KCNQ3: variants seen among roughly 807,000 people sequenced by gnomAD.
KCNQ3 encodes potassium voltage-gated channel subfamily Q member 3.
KCNQ3 carries 30 observed loss-of-function variants against 92.5 expected under a neutral mutation model. That is an observed-to-expected ratio of 0.32 (90% CI 0.24 to 0.44). The LOEUF (loss-of-function observed/expected upper bound fraction) is 0.44, where lower values mean the gene tolerates loss of function less well. KCNQ3 is among the 20% of genes least tolerant of loss of function. The probability of loss-of-function intolerance (pLI) is 1.00; values close to 1 mark genes in which losing one functional copy is unlikely to be tolerated. For missense variants in KCNQ3, 913 were observed against 1,140.3 expected (o/e 0.80, Z 2.87); for synonymous variants, 450 against 468.8 (o/e 0.96, Z 0.52).
intron 1 of KCNQ3, among the ~76,000 whole-genome samples, chr8:132,449,209 T>C (rs1445200760): frequency 1.3e-5 from 2 of 152,118 alleles, no homozygotes; most frequent in Non-Finnish European, 2.9e-5. Flanking sequence ...ATTTTAGGTG[T>C]CATCTTGAAA....
At chr8:132,172,751 C>T (rs1448866117) in intron 6 of KCNQ3, 58 bp from the exon 7 acceptor site, 1 of 1,268,172 alleles carries the variant, frequency 7.9e-7, no homozygotes, top group Non-Finnish European at 1.1e-6. Flanking sequence ...AGCATTCCCG[C>T]TCCATTGCCA....
intron 1 of KCNQ3, among the ~76,000 whole-genome samples, chr8:132,222,022 TA>T (rs1421530351): frequency 6.6e-6 from 1 of 152,182 alleles, no homozygotes; most frequent in African/African-American, 2.4e-5. Flanking sequence ...ACTTCATGAC[TA>T]AAATAACAAA....
intron 1 of KCNQ3, among the ~76,000 whole-genome samples, chr8:132,249,771 T>C (rs988517642): frequency 6.6e-6 from 1 of 152,130 alleles, no homozygotes; most frequent in Non-Finnish European, 1.5e-5. Flanking sequence ...GGCTCGGGCA[T>C]GACGGGCTGC....
chr8:132,333,334 A>G (rs1323190997), intron 1 of KCNQ3, among the ~76,000 whole-genome samples: 2 of 152,230 alleles, frequency 1.3e-5, no homozygotes, highest in African/African-American at 2.4e-5. Flanking sequence ...AAATGAGCCT[A>G]GGTTAAAATA....
chr8:132,174,279 G>T lies in KCNQ3; in HGVS notation c.1004C>A (p.Thr335Asn). The change falls in exon 6 of 15, where the codon ACC (threonine) becomes AAC (asparagine). Residue 335 changes from threonine (T) to asparagine (N), a missense_variant. Coordinates refer to ENST00000388996, the MANE Select transcript of KCNQ3 (RefSeq NM_004519.4). ...AAAGGAGACGCCAATTAAGGAAAAGGTGGCGGCAATCAGACGGCCTTCCCA... is the reference window on the plus strand; with the variant it reads ...AAAGGAGACGCCAATTAAGGAAAAGTTGGCGGCAATCAGACGGCCTTCCCA... The part of the protein sequence containing the change: ...KTWEGRLIAA[T>N]FSLIGVSFFA... The T allele has an allele frequency of 1.3e-6, 2 of 1,551,982 alleles. No individual in the cohort carries two copies. The highest frequency in any genetic ancestry group is 1.7e-6 in the Non-Finnish European group (2 of 1,147,204).
intron 9 of KCNQ3, among the ~76,000 whole-genome samples, chr8:132,159,451 G>T (rs918217420): frequency 6.6e-6 from 1 of 152,104 alleles, no homozygotes; most frequent in African/African-American, 2.4e-5. Flanking sequence ...AGACAGTAGC[G>T]GCTTTTACTC....
At chr8:132,383,757 G>T (rs931303263) in intron 1 of KCNQ3, among the ~76,000 whole-genome samples, 24 of 152,264 alleles carry the variant, frequency 1.6e-4, no homozygotes, top group African/African-American at 5.3e-4. Context: ...TGATGGAAAA[G>T]GAACCTATCT....
At chr8:132,197,001 C>A (rs974966837) in intron 1 of KCNQ3, among the ~76,000 whole-genome samples, 3 of 151,084 alleles carry the variant, frequency 2.0e-5, no homozygotes, top group African/African-American at 7.3e-5. Context: ...TGTGTTCCAC[C>A]ATGTCTCATG....
intron 1 of KCNQ3, among the ~76,000 whole-genome samples, chr8:132,274,327 G>A (rs553833194): frequency 1.8e-4 from 27 of 152,246 alleles, no homozygotes; most frequent in Middle Eastern, 3.4e-3. Flanking sequence ...TTCAGATCTC[G>A]TGAGACTTAT....
At chr8:132,392,664 G>A (rs1820080178) in intron 1 of KCNQ3, among the ~76,000 whole-genome samples, 1 of 151,424 alleles carries the variant, frequency 6.6e-6, no homozygotes, top group Non-Finnish European at 1.5e-5. Flanking sequence ...AGCTGGGCAT[G>A]GTGGCACACA....
rs767730041 is a variant in KCNQ3 at position 132,186,147 on chromosome 8, C to T, written c.421G>A (p.Val141Ile). 1.2e-5 allele frequency: 19 copies of T among 1,613,872 alleles called. No individual in the cohort carries two copies. Among genetic ancestry groups the T allele is most frequent in the Non-Finnish European group, 1.6e-5 (19 of 1,179,760 alleles). ...TCATACTCCTTGAATGTGGTCAGGA[C>T]AGCCAGAATCAAGCACCCCAGGACA... is the stretch of plus-strand genomic sequence containing the variant. ...LIVLGCLILA[V>I]LTTFKEYETV... Residue 141 changes from valine (V) to isoleucine (I), a missense_variant, in exon 2 of 15, where the codon GTC (valine) becomes ATC (isoleucine). Transcript: ENST00000388996.
At chr8:132,246,399 G>C (rs1436716353) in intron 1 of KCNQ3, among the ~76,000 whole-genome samples, 6 of 152,250 alleles carry the variant, frequency 3.9e-5, no homozygotes, top group African/African-American at 1.4e-4. Flanking sequence ...GAGGTTTGCA[G>C]AGAAATATGC....
intron 1 of KCNQ3, among the ~76,000 whole-genome samples, chr8:132,225,629 A>G (rs572790768): frequency 6.6e-6 from 1 of 152,178 alleles, no homozygotes; most frequent in Non-Finnish European, 1.5e-5. Flanking sequence ...TCCAAATCCA[A>G]TTTCAGTCAC....
chr8:132,169,819 A>G (rs1826261323), intron 8 of KCNQ3, among the ~76,000 whole-genome samples: 1 of 151,694 alleles, frequency 6.6e-6, no homozygotes, highest in Non-Finnish European at 1.5e-5. Context: ...TGACTTAATT[A>G]GCTTGAGGTG....
intron 1 of KCNQ3, among the ~76,000 whole-genome samples, chr8:132,248,656 G>C (rs148421422): frequency 3.3e-5 from 5 of 152,250 alleles, no homozygotes; most frequent in East Asian, 1.9e-4. Context: ...CATATGCGCA[G>C]TCCCTGTGGT....
chr8:132,405,697 C>G (rs1820458063), intron 1 of KCNQ3, among the ~76,000 whole-genome samples: 1 of 152,192 alleles, frequency 6.6e-6, no homozygotes, highest in East Asian at 1.9e-4. Flanking sequence ...TGGGTCAAAG[C>G]AAGATCAGTG....
chr8:132,446,362 C>A (rs913313379), intron 1 of KCNQ3, among the ~76,000 whole-genome samples: 1 of 152,176 alleles, frequency 6.6e-6, no homozygotes, highest in African/African-American at 2.4e-5. Context: ...CCTGAGAGCA[C>A]CCTGCCTGGA....
intron 1 of KCNQ3, among the ~76,000 whole-genome samples, chr8:132,355,553 A>C (rs1818996426): frequency 6.6e-6 from 1 of 152,168 alleles, no homozygotes; most frequent in Admixed American, 6.5e-5. Flanking sequence ...GGAAGAGCCC[A>C]AAACAATCAG....
At chr8:132,214,330 G>A (rs1813957628) in intron 1 of KCNQ3, among the ~76,000 whole-genome samples, 1 of 152,168 alleles carries the variant, frequency 6.6e-6, no homozygotes, top group Admixed American at 6.5e-5. Context: ...AATGAACCAA[G>A]CCAATATTTC....
Sources: allele counts gnomAD v4.1 joint callset (sites outside exome capture counted in the v4.1 genomes callset), GRCh38; gene constraint gnomAD v4.1.1; transcripts MANE v1.5; gene names NCBI Gene and HGNC (gene_info 2026-07-23, HGNC 2026-07-21).